Variants in TSHZ3 observed in about 807,000 individuals in gnomAD.
TSHZ3 encodes teashirt zinc finger homeobox 3.
TSHZ3 carries 10 observed loss-of-function variants against 64.5 expected under a neutral mutation model. That is an observed-to-expected ratio of 0.16 (90% CI 0.10 to 0.26). The LOEUF (loss-of-function observed/expected upper bound fraction) is 0.26, where lower values mean the gene tolerates loss of function less well. Ranked by LOEUF, TSHZ3 falls within the 10% of genes least tolerant of loss-of-function variation. The pLI is 1.00. For missense variants in TSHZ3, 1,242 were observed against 1,421.7 expected, an observed-to-expected ratio of 0.87 and a Z score of 2.03; for synonymous variants, 608 against 593.1, an observed-to-expected ratio of 1.03 and a Z score of -0.36.
At chr19:31,234,474 A>T (rs935052487) in intron 3 of TSHZ3, among the ~76,000 whole-genome samples, 3 of 152,210 alleles carry the variant, frequency 2.0e-5, no homozygotes, top group African/African-American at 7.2e-5. Context: ...GGGGGAAAGC[A>T]TTCTGGCTTT....
chr19:31,279,771 G>A lies in TSHZ3; in HGVS notation c.41-19C>T. The A allele has an allele frequency of 6.8e-7, 1 of 1,479,228 alleles. No individual in the cohort carries two copies. The highest frequency in any genetic ancestry group is 9.0e-7 in the Non-Finnish European group (1 of 1,116,054). 91.6% of individuals were successfully genotyped at this position (1,479,228 alleles called of 1,614,324 possible). ...ACATAGGCTGCCATGATAACAGGTGGGAAAGAGAGACAGGTAGGATGGAAT... is the reference window on the plus strand; with the variant it reads ...ACATAGGCTGCCATGATAACAGGTGAGAAAGAGAGACAGGTAGGATGGAAT... On this transcript the variant is annotated intron_variant, in intron 1 of 1. Transcript: ENST00000240587. This position sits in a 1 kb window ranked among gnomAD's most constrained non-coding sequence, Gnocchi z 6.4.
At chr19:31,342,349 T>G (rs1917463757) in intron 1 of TSHZ3, among the ~76,000 whole-genome samples, 1 of 152,232 alleles carries the variant, frequency 6.6e-6, no homozygotes, top group Non-Finnish European at 1.5e-5. Flanking sequence ...AAAATTGAAC[T>G]CATGCTTTTT....
chr19:31,167,988 G>T (rs1023355237), intron 5 of TSHZ3, among the ~76,000 whole-genome samples: 1 of 152,170 alleles, frequency 6.6e-6, no homozygotes, highest in Admixed American at 6.5e-5. Flanking sequence ...GTTTCTAAAA[G>T]AGAGCTCTTT....
At chr19:31,217,504 G>A (rs1288355544) in intron 4 of TSHZ3, among the ~76,000 whole-genome samples, 1 of 152,112 alleles carries the variant, frequency 6.6e-6, no homozygotes, top group African/African-American at 2.4e-5. Context: ...TTATTTTAGA[G>A]CAGTTTTAGT....
chr19:31,221,858 G>A (rs1038195895), intron 4 of TSHZ3, among the ~76,000 whole-genome samples: 2 of 152,190 alleles, frequency 1.3e-5, no homozygotes, highest in Non-Finnish European at 2.9e-5. Flanking sequence ...TCTGAAAGGT[G>A]AAAGGTTTAC....
intron 1 of TSHZ3, among the ~76,000 whole-genome samples, chr19:31,298,842 G>A (rs1004340336): frequency 3.3e-5 from 5 of 152,176 alleles, no homozygotes; most frequent in African/African-American, 1.2e-4. Flanking sequence ...CAGAATACAC[G>A]TTTAAAATGT....
intron 1 of TSHZ3, among the ~76,000 whole-genome samples, chr19:31,340,312 C>T (rs1021202148): frequency 4.7e-5 from 5 of 106,576 alleles, no homozygotes; most frequent in Admixed American, 4.6e-4. Context: ...TATGGAGGAA[C>T]ATTAATTAGC....
Position 31,206,064 on chromosome 19 carries a change from A to G in TSHZ3, n.687-986T>C, listed in dbSNP as rs1364506900. 3.3e-5 allele frequency among the ~76,000 whole-genome samples: 5 copies of G among 149,932 alleles called. No individual in the cohort carries two copies. In the East Asian group the frequency reaches 8.0e-4, roughly 24 times the overall value. On this transcript the variant is annotated intron_variant and non_coding_transcript_variant, in intron 4 of 6. Coordinates refer to the TSHZ3 transcript ENST00000651361. ...GGGTGAGTGGAAGATAAATGAATAGATGGATGGGTGAAATGGATGGATGGA... is the reference window on the plus strand; with the variant it reads ...GGGTGAGTGGAAGATAAATGAATAGGTGGATGGGTGAAATGGATGGATGGA...
intron 1 of TSHZ3, among the ~76,000 whole-genome samples, chr19:31,265,397 C>CAAAAAAAAAA (rs11432951): frequency 2.0e-4 from 7 of 34,246 alleles, no homozygotes; most frequent in African/African-American, 4.7e-4. Flanking sequence ...AACTCTGTCT[C>CAAAAAAAAAA]AAAAAAAAAA....
At chr19:31,221,836 T>A (rs116709279) in intron 4 of TSHZ3, among the ~76,000 whole-genome samples, 1 of 152,192 alleles carries the variant, frequency 6.6e-6, no homozygotes, top group East Asian at 1.9e-4. Context: ...AATAATAGCA[T>A]CCTAATGTGC....
At chr19:31,180,728 C>T (rs1351095340) in intron 5 of TSHZ3, among the ~76,000 whole-genome samples, 2 of 152,172 alleles carry the variant, frequency 1.3e-5, no homozygotes, top group Non-Finnish European at 2.9e-5. Flanking sequence ...ATGCGAGATG[C>T]TGAATGTGAG....
downstream of TSHZ3, among the ~76,000 whole-genome samples, chr19:31,274,466 G>C (rs867387008): frequency 6.6e-6 from 1 of 152,074 alleles, no homozygotes; most frequent in Non-Finnish European, 1.5e-5. Flanking sequence ...TGTCTGACCC[G>C]ATTGGTTCTG....
intron 1 of TSHZ3, among the ~76,000 whole-genome samples, chr19:31,337,720 AACACACACAC>A (rs372251116): frequency 1.4e-4 from 20 of 145,978 alleles, no homozygotes; most frequent in Non-Finnish European, 2.6e-4. Flanking sequence ...TTTCAAAATA[AACACACACAC>A]ACACACACAC....
chr19:31,168,354 G>A lies in TSHZ3; in HGVS notation n.810-11937C>T, dbSNP rs79224630. On this transcript the variant is annotated intron_variant and non_coding_transcript_variant, in intron 5 of 6. Coordinates refer to the TSHZ3 transcript ENST00000651361. ...TCCTCTTTTTTGGCAGGCACACAGA[G>A]CACTGCATTATCTGTCATTTTCATT... Among the ~76,000 whole-genome samples, 199 of 152,250 alleles carry A rather than the reference G, an allele frequency of 1.3e-3. 3 individuals are homozygous for A. The East Asian group carries it at 0.033, about 26-fold the overall frequency.
At chr19:31,342,338 T>C (rs1423473081) in intron 1 of TSHZ3, among the ~76,000 whole-genome samples, 1 of 152,226 alleles carries the variant, frequency 6.6e-6, no homozygotes, top group African/African-American at 2.4e-5. Flanking sequence ...TGTATTCTCT[T>C]AAAATTGAAC....
At chr19:31,338,476 C>T (rs1268101843) in intron 1 of TSHZ3, among the ~76,000 whole-genome samples, 9 of 152,092 alleles carry the variant, frequency 5.9e-5, no homozygotes, top group South Asian at 4.1e-4. Flanking sequence ...GAAGTCTTTA[C>T]GTTTCTTCAT....
chr19:31,338,165 G>C (rs569610585), intron 1 of TSHZ3, among the ~76,000 whole-genome samples: 1 of 152,340 alleles, frequency 6.6e-6, no homozygotes, highest in African/African-American at 2.4e-5. Context: ...CAGCAGAAGA[G>C]GTGGAAAGGC....
At chr19:31,163,515 T>G (rs1396424704) in intron 5 of TSHZ3, among the ~76,000 whole-genome samples, 1 of 152,100 alleles carries the variant, frequency 6.6e-6, no homozygotes, top group African/African-American at 2.4e-5. Context: ...GCGGATCACT[T>G]GAGGTCAGGA....
At chr19:31,177,721 T>C (rs939029528) in intron 5 of TSHZ3, among the ~76,000 whole-genome samples, 38 of 152,344 alleles carry the variant, frequency 2.5e-4, no homozygotes, top group African/African-American at 8.4e-4. Context: ...TTGCTTTTTT[T>C]CCCCATTTGT....
Sources: allele counts gnomAD v4.1 joint callset (sites outside exome capture counted in the v4.1 genomes callset), GRCh38; gene constraint gnomAD v4.1.1; non-coding constraint Gnocchi (gnomAD v3.1); transcripts MANE v1.5; gene names NCBI Gene and HGNC (gene_info 2026-07-23, HGNC 2026-07-21).